Variants in GRIA3 observed in about 807,000 individuals in gnomAD.
GRIA3 encodes the protein glutamate receptor 3.
Under a neutral mutation model 63.0 loss-of-function variants are expected in GRIA3, and 3 were observed. That is an observed-to-expected ratio of 0.05 (90% CI 0.02 to 0.12). GRIA3 has a LOEUF of 0.12. Ranked by LOEUF, GRIA3 falls within the 10% of genes least tolerant of loss-of-function variation. The pLI, the probability that GRIA3 is intolerant of heterozygous loss-of-function variation, is 1.00. For synonymous variants in GRIA3, 274 were observed against 257.9 expected (o/e 1.06, Z -0.60); for missense variants, 347 against 700.9 (o/e 0.50, Z 5.70).
chrX:123,388,240 T>A (rs1603128349), intron 5 of GRIA3, among the ~76,000 whole-genome samples: 1 of 111,586 alleles, frequency 9.0e-6, no homozygotes, highest in East Asian at 2.8e-4. Flanking sequence ...CAGTCTCTGA[T>A]GATCTTTCAT....
chrX:123,199,646 C>A (rs1368413085), intron 2 of GRIA3, among the ~76,000 whole-genome samples: 1 of 111,722 alleles, frequency 9.0e-6, no homozygotes, highest in African/African-American at 3.3e-5. Context: ...ATTCTCTTGG[C>A]TTTCACTGCT....
chrX:123,408,172 G>A (rs2045486052), intron 10 of GRIA3, among the ~76,000 whole-genome samples: 1 of 110,723 alleles, frequency 9.0e-6, no homozygotes, highest in Non-Finnish European at 1.9e-5. Context: ...CACCATGTTG[G>A]CCAGGTTGGT....
At chrX:123,258,170 C>A (rs1157090541) in intron 3 of GRIA3, among the ~76,000 whole-genome samples, 2 of 112,460 alleles carry the variant, frequency 1.8e-5, no homozygotes, top group East Asian at 5.6e-4. Context: ...ATCTCTGTCT[C>A]AACCTGCTTC....
chrX:123,485,110 TG>T (rs2045934165), intron 15 of GRIA3, among the ~76,000 whole-genome samples: 1 of 112,740 alleles, frequency 8.9e-6, no homozygotes. Flanking sequence ...CATTACAATT[TG>T]GGGCATATGT....
intron 3 of GRIA3, among the ~76,000 whole-genome samples, chrX:123,299,874 T>C (rs1450345894): frequency 2.7e-5 from 3 of 109,906 alleles, no homozygotes; most frequent in South Asian, 3.9e-4. Context: ...GTTTGTCATA[T>C]ATGACTTACT....
chrX:123,198,164 G>A lies in GRIA3; in HGVS notation c.268+12174G>A, dbSNP rs1023681005. ...GAAAGCTCAACAGAGATGCACCTCT[G>A]GAACATCTCTGAGTCTAGGCAATTC... On this transcript the variant is annotated intron_variant, in intron 2 of 15. Transcript: ENST00000620443. Among the ~76,000 whole-genome samples, 3 of 111,843 alleles carry A rather than the reference G, an allele frequency of 2.7e-5. No individual in the cohort carries two copies. In the Admixed American group the frequency reaches 2.8e-4, roughly 11 times the overall value.
At chrX:123,418,613 A>C (rs1384362986) in intron 11 of GRIA3, among the ~76,000 whole-genome samples, 1 of 112,500 alleles carries the variant, frequency 8.9e-6, no homozygotes, top group African/African-American at 3.2e-5. Flanking sequence ...ATTTCCCCAA[A>C]GAAGATATAT....
chrX:123,322,619 G>A (rs1006453918), intron 3 of GRIA3, among the ~76,000 whole-genome samples: 4 of 110,816 alleles, frequency 3.6e-5, no homozygotes, highest in Non-Finnish European at 7.6e-5. Flanking sequence ...GCTTCATCAG[G>A]AAACAGTCAA....
At chrX:123,353,811 T>C (rs957764030) in intron 4 of GRIA3, among the ~76,000 whole-genome samples, 2 of 111,803 alleles carry the variant, frequency 1.8e-5, no homozygotes, top group South Asian at 3.7e-4. Context: ...TTAACCTCTA[T>C]GTTATCCTGT....
In GRIA3 at chrX:123,358,471, A is replaced by G. The variant is rs747171445; in HGVS notation, c.750+3508A>G. On this transcript the variant is annotated intron_variant, in intron 5 of 15. Transcript: ENST00000620443. ...ATGAATGCTTTAACGAAGACCTCTCAGAGGTCAAGATGTACATTTCAGAGT... is the reference window on the plus strand; with the variant it reads ...ATGAATGCTTTAACGAAGACCTCTCGGAGGTCAAGATGTACATTTCAGAGT... The G allele has an allele frequency of 1.9e-4, 21 of 112,094 alleles. No homozygotes were observed. The South Asian group carries it at 4.5e-3, about 24-fold the overall frequency. The allele number at this position is 112,094 out of a possible 1,213,427, so 9.2% of individuals were successfully genotyped here.
At chrX:123,309,595 G>C (rs1711697159) in intron 3 of GRIA3, among the ~76,000 whole-genome samples, 1 of 112,177 alleles carries the variant, frequency 8.9e-6, no homozygotes, top group African/African-American at 3.2e-5. Context: ...TCCCTAAGAA[G>C]ATTCCAAAGC....
chrX:123,474,156 G>C (rs886184003), intron 13 of GRIA3, among the ~76,000 whole-genome samples: 3 of 111,078 alleles, frequency 2.7e-5, no homozygotes, highest in Admixed American at 1.9e-4. Flanking sequence ...TTATTTCACA[G>C]AATCAACTTG....
chrX:123,322,114 C>G, intron 3 of GRIA3, among the ~76,000 whole-genome samples: 1 of 111,545 alleles, frequency 9.0e-6, no homozygotes, highest in East Asian at 2.8e-4. Context: ...ACCACACTAC[C>G]CTTTGCCAAG....
intron 12 of GRIA3, among the ~76,000 whole-genome samples, chrX:123,440,189 T>C (rs1204584200): frequency 8.9e-6 from 1 of 112,510 alleles, no homozygotes; most frequent in East Asian, 2.8e-4. Context: ...CTTTATCCAA[T>C]TGGTCATTGA....
intron 3 of GRIA3, among the ~76,000 whole-genome samples, chrX:123,321,474 A>T (rs1772512710): frequency 8.9e-6 from 1 of 112,036 alleles, no homozygotes; most frequent in Non-Finnish European, 1.9e-5. Context: ...AAGATGCACA[A>T]CAGGAACAAA....
At chrX:123,394,695 A>G (rs1343759619) in intron 5 of GRIA3, among the ~76,000 whole-genome samples, 1 of 112,346 alleles carries the variant, frequency 8.9e-6, no homozygotes, top group East Asian at 2.8e-4. Context: ...AAATCAAAAT[A>G]TTTGCTTAAA....
At chrX:123,436,969 AAGGAT>A (rs1026811429) in intron 12 of GRIA3, among the ~76,000 whole-genome samples, 4 of 110,656 alleles carry the variant, frequency 3.6e-5, no homozygotes, top group African/African-American at 1.3e-4. Flanking sequence ...ACTTGACCGT[AAGGAT>A]CAAGTAAAAT....
intron 2 of GRIA3, among the ~76,000 whole-genome samples, chrX:123,238,663 T>G (rs2044313675): frequency 8.9e-6 from 1 of 112,238 alleles, no homozygotes; most frequent in Admixed American, 9.4e-5. Context: ...TACATTGATT[T>G]CATAAGCCAC....
chrX:123,322,591 A>T (rs1009681614), intron 3 of GRIA3, among the ~76,000 whole-genome samples: 20 of 110,080 alleles, frequency 1.8e-4, no homozygotes, highest in African/African-American at 5.6e-4. Context: ...TCAAGCGCAT[A>T]TTTACTCTCT....
Sources: allele counts gnomAD v4.1 joint callset (sites outside exome capture counted in the v4.1 genomes callset), GRCh38; gene constraint gnomAD v4.1.1; transcripts MANE v1.5; gene names NCBI Gene and HGNC (gene_info 2026-07-23, HGNC 2026-07-21).